The following WASHC2A variants were observed in gnomAD, a reference collection of about 807,000 sequenced individuals.
WASHC2A encodes the protein WASH complex subunit 2A.
A neutral mutation model predicts 140.3 loss-of-function variants in WASHC2A; 82 were observed. The ratio of observed to expected loss-of-function variants is 0.58; its 90% CI spans 0.49 to 0.70. The LOEUF is 0.70. Ranked by LOEUF, WASHC2A falls within the 30% of genes least tolerant of loss-of-function variation. The pLI is 0.00. For synonymous variants in WASHC2A, 340 were observed against 560.8 expected, an observed-to-expected ratio of 0.61 and a Z score of 5.56; for missense variants, 985 against 1,521.8, an observed-to-expected ratio of 0.65 and a Z score of 5.87.
At chr10:50,116,504 G>A (rs1311090558) in intron 21 of WASHC2A, among the ~76,000 whole-genome samples, 1 of 141,516 alleles carries the variant, frequency 7.1e-6, no homozygotes, top group East Asian at 2.1e-4. Context: ...TAGTAGAGAC[G>A]GGGTTTCACT....
chr10:50,104,338 G>C (rs1161617677), intron 18 of WASHC2A, among the ~76,000 whole-genome samples, 195 bp downstream of exon 18: 16 of 149,636 alleles, frequency 1.1e-4, no homozygotes, highest in Non-Finnish European at 1.9e-4. Context: ...CTGTGCAATG[G>C]AGAAGACATT....
chr10:50,092,909 CT>C (rs1360143298), intron 11 of WASHC2A, among the ~76,000 whole-genome samples: 7 of 150,836 alleles, frequency 4.6e-5, no homozygotes, highest in Non-Finnish European at 1.0e-4. Context: ...TTGCAGATCC[CT>C]TTGTTTATTC....
chr10:50,102,308 A>G (rs1368972946), intron 17 of WASHC2A, among the ~76,000 whole-genome samples: 10 of 152,326 alleles, frequency 6.6e-5, no homozygotes, highest in South Asian at 6.2e-4. Flanking sequence ...CTCAAGTGTG[A>G]GGCTGAAGCT....
At chr10:50,079,715 A>G (rs2132419090) in intron 4 of WASHC2A, among the ~76,000 whole-genome samples, 1 of 152,284 alleles carries the variant, frequency 6.6e-6, no homozygotes, top group East Asian at 1.9e-4. Flanking sequence ...TTTATTTTTA[A>G]TAGAACTCAA....
At chr10:50,102,044 T>G (rs2132722765) in intron 17 of WASHC2A, among the ~76,000 whole-genome samples, 1 of 152,328 alleles carries the variant, frequency 6.6e-6, no homozygotes, top group Non-Finnish European at 1.5e-5. Context: ...TTGGCCAAGA[T>G]GGTCACAATG....
chr10:50,126,253 A>G (rs1318523876), intron 26 of WASHC2A, 74 bp downstream of exon 26: 1 of 1,609,872 alleles, frequency 6.2e-7, no homozygotes, highest in African/African-American at 1.3e-5. Flanking sequence ...ATGCAGACCC[A>G]CAGTTATTCA....
At chr10:50,094,947 G>A (rs1840323116) in intron 13 of WASHC2A, among the ~76,000 whole-genome samples, 1 of 151,568 alleles carries the variant, frequency 6.6e-6, no homozygotes, top group Admixed American at 6.6e-5. Context: ...TCACAGCTCA[G>A]ATTGTGTTAA....
intron 3 of WASHC2A, among the ~76,000 whole-genome samples, chr10:50,076,254 G>A (rs559557207): frequency 9.2e-5 from 14 of 152,320 alleles, no homozygotes; most frequent in Middle Eastern, 3.4e-3. Flanking sequence ...TTACAGTCGT[G>A]AGCCACTGCC....
chr10:50,115,931 C>A (rs1253425505), intron 21 of WASHC2A, among the ~76,000 whole-genome samples: 1 of 152,140 alleles, frequency 6.6e-6, no homozygotes, highest in Non-Finnish European at 1.5e-5. Flanking sequence ...GCCTGGCCAA[C>A]ATGGTGGAAC....
intron 15 of WASHC2A, among the ~76,000 whole-genome samples, chr10:50,097,466 C>T (rs1319488946): frequency 3.5e-5 from 5 of 144,018 alleles, no homozygotes; most frequent in African/African-American, 1.2e-4. Flanking sequence ...GATAAACTGT[C>T]TGTTCTGTCT....
At position 50,115,853 on chromosome 10, in the gene WASHC2A, C is replaced by T. The variant is rs1319158262; in HGVS notation, c.2142+1856C>T. Reference sequence around the variant, plus strand: ...AAATTTGACCAGGCGTGGTGGCTCACGCCTGTAATCCCAACACTTTGGGAG... The same window carrying T: ...AAATTTGACCAGGCGTGGTGGCTCATGCCTGTAATCCCAACACTTTGGGAG... On this transcript the variant is annotated intron_variant, in intron 21 of 30. Coordinates refer to ENST00000282633, the MANE Select transcript of WASHC2A (RefSeq NM_001005751.3). 2.6e-5 allele frequency among the ~76,000 whole-genome samples: 4 copies of T among 151,860 alleles called. No homozygotes were observed. In the East Asian group the frequency reaches 5.8e-4, roughly 22 times the overall value.
At chr10:50,112,699 G>A (rs1358314686) in intron 20 of WASHC2A, among the ~76,000 whole-genome samples, 2 of 151,578 alleles carry the variant, frequency 1.3e-5, no homozygotes, top group Admixed American at 6.6e-5. Flanking sequence ...ATAACCATAC[G>A]ATGGACTGTT....
rs978250686 is a variant in WASHC2A, at chr10:50,133,319, T to A, written c.*374T>A. ...GTCTTTGTTATATGGATGGGAACCC[T>A]AACTTAGGGCCTGGGCAGGGGAAAG... On this transcript the variant is annotated 3_prime_UTR_variant, in exon 31 of 31. Coordinates refer to ENST00000282633, the MANE Select transcript of WASHC2A (RefSeq NM_001005751.3). 3.0e-4 allele frequency: 151 copies of A among 508,484 alleles called. No homozygotes were observed. Among genetic ancestry groups the A allele is most frequent in the Non-Finnish European group, 5.1e-4 (129 of 254,098 alleles). The allele number at this position is 508,484 out of a possible 1,614,324, so 31.5% of individuals were successfully genotyped here. A position where few individuals can be genotyped will look rare whatever the true frequency, so the allele number is the denominator to read the frequency against.
chr10:50,125,374 A>G lies in WASHC2A; in HGVS notation c.2613A>G (p.Leu871=), dbSNP rs1409319788. The change falls in exon 25 of 31, where the codon TTA becomes TTG. Residue 871 remains leucine, a synonymous_variant. Coordinates refer to ENST00000282633, the MANE Select transcript of WASHC2A (RefSeq NM_001005751.3). ...TTGGGTCTTGTTTATTCTAGCTGTT[A>G]GAGCCAAGTGTTGGGAGCCTGTTTG... ...LFAGTKKTKL[L]EPSVGSLFGD... is the part of the protein sequence containing the mutation. 1 of 1,605,132 alleles carries G rather than the reference A, an allele frequency of 6.2e-7. No individual in the cohort carries two copies. The highest frequency in any genetic ancestry group is 2.2e-5 in the East Asian group (1 of 44,750).
chr10:50,112,142 A>G (rs1589254851), intron 20 of WASHC2A: 9 of 984,290 alleles, frequency 9.1e-6, no homozygotes, highest in South Asian at 4.7e-5. Context: ...CATTTTCTGC[A>G]CTGTATCCAG....
At position 50,129,404 on chromosome 10, in the gene WASHC2A, T is replaced by A. The variant is rs760899496; in HGVS notation, c.3088-15T>A. 12 of 1,611,934 alleles carry A rather than the reference T, an allele frequency of 7.4e-6. No individual in the cohort carries two copies. Among genetic ancestry groups the A allele is most frequent in the Admixed American group, 3.3e-5 (2 of 60,002 alleles). ...TTTTATCGTCAGATCAATGTGTGTTTTTTTGCCATTGCAGAGCCGTGTCAA... is the reference window on the plus strand; with the variant it reads ...TTTTATCGTCAGATCAATGTGTGTTATTTTGCCATTGCAGAGCCGTGTCAA... On this transcript the variant is annotated splice_polypyrimidine_tract_variant and intron_variant, in intron 28 of 30. Coordinates refer to ENST00000282633, the MANE Select transcript of WASHC2A (RefSeq NM_001005751.3).
At chr10:50,109,189 C>T (rs1176521132) in intron 19 of WASHC2A, among the ~76,000 whole-genome samples, 2 of 152,182 alleles carry the variant, frequency 1.3e-5, no homozygotes, top group Non-Finnish European at 2.9e-5. Context: ...ATTTGCAAGA[C>T]TCTAGACTCC....
chr10:50,129,872 G>A lies in WASHC2A; in HGVS notation c.3541G>A (p.Asp1181Asn), dbSNP rs1843784447. The change falls in exon 29 of 31, where the codon GAT becomes AAT. Residue 1181 changes from aspartate (D) to asparagine (N), a missense_variant. Asp to Asn is a conservative substitution (Grantham distance 23). Coordinates refer to ENST00000282633, the MANE Select transcript of WASHC2A (RefSeq NM_001005751.3). ...TCCTGCTCTAGGTGAGGCCAGCAGT[G>A]ATGATGATCTCTTTCAGTCTGCTAA... ...MFPALGEASS[D>N]DDLFQSAKPK... is the part of the protein sequence containing the mutation. 1 of 1,612,066 alleles carries A rather than the reference G, an allele frequency of 6.2e-7. No individual in the cohort carries two copies. The highest frequency in any genetic ancestry group is 8.5e-7 in the Non-Finnish European group (1 of 1,179,874).
chr10:50,092,866 T>C (rs2132579087), intron 11 of WASHC2A, among the ~76,000 whole-genome samples: 1 of 152,304 alleles, frequency 6.6e-6, no homozygotes, highest in Middle Eastern at 3.4e-3. Context: ...CAAACAGCCA[T>C]GTCCATTACA....
Sources: allele counts gnomAD v4.1 joint callset (sites outside exome capture counted in the v4.1 genomes callset), GRCh38; gene constraint gnomAD v4.1.1; transcripts MANE v1.5; gene names NCBI Gene and HGNC (gene_info 2026-07-23, HGNC 2026-07-21).